The following PAK4 variants were observed in gnomAD, a reference collection of about 807,000 sequenced individuals.
PAK4 encodes the protein p21 (RAC1) activated kinase 4.
A neutral mutation model predicts 53.5 loss-of-function variants in PAK4; 49 were observed. That is an observed-to-expected ratio of 0.92 (90% CI 0.73 to 1.16). PAK4 has a LOEUF of 1.16. Among genes scored for constraint, PAK4 ranks in the 50% most tolerant of loss-of-function variants. The pLI is 0.00. For synonymous variants in PAK4, 376 were observed against 375.6 expected, an observed-to-expected ratio of 1.00 and a Z score of -0.01; for missense variants, 824 against 850.7, an observed-to-expected ratio of 0.97 and a Z score of 0.39.
intron 1 of PAK4, among the ~76,000 whole-genome samples, chr19:39,126,480 C>T (rs1323009983): frequency 7.2e-6 from 1 of 139,542 alleles, no homozygotes; most frequent in Non-Finnish European, 1.5e-5. Context: ...GAGATGCTTC[C>T]TGGTGACAGG....
rs1359201300 is a variant in PAK4 at position 39,144,622 on chromosome 19, A to G, written c.-23+18703A>G. On this transcript the variant is annotated intron_variant, in intron 1 of 8. Transcript: ENST00000358301. ...TTGAGAGTGCCTGGTATGTGGAGAG[A>G]CCTGGCTGTTGTGGCATGAGTCCGA... Among the ~76,000 whole-genome samples, 3 of 152,060 alleles carry G rather than the reference A, an allele frequency of 2.0e-5. No homozygotes were observed. The East Asian group carries it at 5.8e-4, about 29-fold the overall frequency.
intron 1 of PAK4, among the ~76,000 whole-genome samples, chr19:39,138,199 C>T (rs1182675050): frequency 6.6e-6 from 1 of 151,862 alleles, no homozygotes; most frequent in Admixed American, 6.6e-5. Context: ...TGTTGGCCAT[C>T]CTGTTCTCAA....
chr19:39,154,758 C>G (rs2145203059), intron 1 of PAK4, among the ~76,000 whole-genome samples: 1 of 152,294 alleles, frequency 6.6e-6, no homozygotes, highest in South Asian at 2.1e-4. Flanking sequence ...TGCAGAGCTG[C>G]CCCACGTGGC....
rs776539215 is a variant in PAK4 at position 39,173,285 on chromosome 19, C to G, written c.572C>G (p.Ala191Gly). The change falls in exon 3 of 9, where the codon GCT becomes GGT. Residue 191 changes from alanine to glycine, a missense_variant. This residue lies in a region of PAK4 where 478 missense variants were observed against 435.8 expected (regional missense o/e 1.10). Transcript: ENST00000358301. The surrounding 1 kb of genome is among the most constrained non-coding windows in gnomAD (Gnocchi z 6.9). ...CCTGATGTCGGCACCCCCCAGCCTGCTGGTCTGGCCAGTGGGGCGAAACTG... is the reference window on the plus strand; with the variant it reads ...CCTGATGTCGGCACCCCCCAGCCTGGTGGTCTGGCCAGTGGGGCGAAACTG... 6.2e-7 allele frequency: 1 copy of G among 1,604,980 alleles called. No homozygotes were observed. The highest frequency in any genetic ancestry group is 1.7e-5 in the Admixed American group (1 of 59,290).
intron 1 of PAK4, among the ~76,000 whole-genome samples, chr19:39,166,817 C>T (rs1010570987): frequency 4.6e-5 from 7 of 152,172 alleles, no homozygotes; most frequent in African/African-American, 7.2e-5. Flanking sequence ...GGGAAGGGAG[C>T]GCCTGCTGGG....
chr19:39,133,316 T>C (rs908838846), intron 1 of PAK4, among the ~76,000 whole-genome samples: 6 of 152,246 alleles, frequency 3.9e-5, no homozygotes, highest in Non-Finnish European at 8.8e-5. Flanking sequence ...ATAGCCGTAT[T>C]ATTAATATTA....
intron 1 of PAK4, among the ~76,000 whole-genome samples, chr19:39,137,334 T>TA (rs897067029): frequency 2.0e-5 from 3 of 151,990 alleles, no homozygotes; most frequent in Non-Finnish European, 4.4e-5. Flanking sequence ...GGGGAGTCCT[T>TA]ATTCTAGATC....
At chr19:39,158,232 T>TGTGTGTGCGC (rs1491303597) in intron 1 of PAK4, among the ~76,000 whole-genome samples, 1 of 151,796 alleles carries the variant, frequency 6.6e-6, no homozygotes, top group Non-Finnish European at 1.5e-5. Flanking sequence ...TGTGTGTGCA[T>TGTGTGTGCGC]GTGTGTGCGC....
chr19:39,126,813 T>G (rs778297242), intron 1 of PAK4, among the ~76,000 whole-genome samples: 1 of 152,194 alleles, frequency 6.6e-6, no homozygotes, highest in Non-Finnish European at 1.5e-5. Flanking sequence ...ATTTCACTCC[T>G]GCTGCAATCT....
intron 1 of PAK4, among the ~76,000 whole-genome samples, chr19:39,126,785 C>T (rs1261367069): frequency 6.6e-6 from 1 of 152,168 alleles, no homozygotes; most frequent in African/African-American, 2.4e-5. Flanking sequence ...GTGCTCCACG[C>T]CCTGTGTGCC....
intron 1 of PAK4, among the ~76,000 whole-genome samples, chr19:39,146,638 G>A (rs1353019407): frequency 3.3e-5 from 5 of 152,132 alleles, no homozygotes; most frequent in East Asian, 1.9e-4. Flanking sequence ...CTAGGAGTTC[G>A]AGATCAGCCT....
chr19:39,161,523 C>T lies in PAK4; in HGVS notation c.-22-8009C>T, dbSNP rs1245215192. ...CACAAGGTCCTGCCCCCTTGATTTC[C>T]ACTGGGCCATCACAGCCTCCTCCTC... On this transcript the variant is annotated intron_variant, in intron 1 of 8. Transcript: ENST00000358301. This position sits in a 1 kb window ranked among gnomAD's most constrained non-coding sequence, Gnocchi z 4.5. Among the ~76,000 whole-genome samples the T allele has an allele frequency of 6.6e-6, 1 of 151,850 alleles. No homozygotes were observed. Among genetic ancestry groups the T allele is most frequent in the Non-Finnish European group, 1.5e-5 (1 of 67,912 alleles).
chr19:39,127,762 CAG>C (rs1313085663), intron 1 of PAK4, among the ~76,000 whole-genome samples: 1 of 152,186 alleles, frequency 6.6e-6, no homozygotes, highest in African/African-American at 2.4e-5. Context: ...AGGGCATCTT[CAG>C]AGAGCCGGGA....
At chr19:39,133,246 A>G (rs1483168741) in intron 1 of PAK4, among the ~76,000 whole-genome samples, 2 of 152,242 alleles carry the variant, frequency 1.3e-5, no homozygotes, top group African/African-American at 4.8e-5. Context: ...GAGGATCTAA[A>G]TGTATATTCG....
At chr19:39,180,279 C>G (rs1600423021), downstream of PAK4, 1 of 151,540 alleles carries the variant, frequency 6.6e-6, no homozygotes. Flanking sequence ...GTGCTCTCTG[C>G]GATGTATTGG....
In PAK4 at chr19:39,178,313, C is replaced by T. The variant is rs899408856; in HGVS notation, c.1621-111C>T. 1.0e-4 allele frequency: 123 copies of T among 1,201,628 alleles called. No individual in the cohort carries two copies. In the South Asian group the frequency reaches 1.6e-3, roughly 16 times the overall value. 74.4% of individuals were successfully genotyped at this position (1,201,628 alleles called of 1,614,324 possible). On this transcript the variant is annotated intron_variant, in intron 8 of 8. Transcript: ENST00000358301. This position sits in a 1 kb window ranked among gnomAD's most constrained non-coding sequence, Gnocchi z 4.4. ...ACACCCATGACCTCCGCCCCCTGCC[C>T]TCCTGCACAGTACATGCCGCCAGCC...
At chr19:39,135,001 A>C (rs1237447253) in intron 1 of PAK4, 1 of 152,214 alleles carries the variant, frequency 6.6e-6, no homozygotes, top group Non-Finnish European at 1.5e-5. Flanking sequence ...TTCTTCAGGG[A>C]ATATACCCAG....
rs1403145731 is a variant in PAK4, at chr19:39,172,940, G to A, written c.227G>A (p.Gly76Asp). ...CAGACCATCGTGCGGGGCAGCAAAG[G>A]TGCCAAAGATGGGGCCCTCACGCTG... is the stretch of plus-strand genomic sequence containing the variant. Residue 76 changes from glycine (G) to aspartate (D), a missense_variant, in exon 3 of 9, where the codon GGT becomes GAT. This residue lies in a region of PAK4 where 478 missense variants were observed against 435.8 expected (regional missense o/e 1.10). Coordinates refer to ENST00000358301, the Ensembl canonical transcript of PAK4. 5.2e-6 allele frequency: 8 copies of A among 1,541,102 alleles called. No homozygotes were observed. The highest frequency in any genetic ancestry group is 3.9e-5 in the Admixed American group (2 of 50,772).
chr19:39,173,831 G>C lies in PAK4; in HGVS notation c.919G>C (p.Ala307Pro). The stretch of plus-strand genomic sequence containing the variant: ...AGTATCCCATGAGCAGTTCCGGGCT[G>C]CCCTGCAGCTGGTGGTGGACCCAGG... The change falls in exon 4 of 9, where the codon GCC becomes CCC. Residue 307 changes from alanine to proline, a missense_variant. Around this residue, in one of 2 missense-constraint regions of PAK4, gnomAD observed 346 missense variants for 415.0 expected, o/e 0.83. Coordinates refer to ENST00000358301, the Ensembl canonical transcript of PAK4. This position sits in a 1 kb window ranked among gnomAD's most constrained non-coding sequence, Gnocchi z 6.9. The C allele has an allele frequency of 6.2e-7, 1 of 1,612,472 alleles. No individual in the cohort carries two copies. Among genetic ancestry groups the C allele is most frequent in the Non-Finnish European group, 8.5e-7 (1 of 1,179,788 alleles).
Sources: gnomAD v4.1 joint callset for allele counts (sites outside exome capture counted in the v4.1 genomes callset) on GRCh38, gnomAD v4.1.1 for gene constraint, gnomAD v4.1.1 regional missense constraint, Gnocchi (gnomAD v3.1) non-coding constraint, MANE v1.5 for transcripts, NCBI Gene and HGNC (gene_info 2026-07-23, HGNC 2026-07-21) for gene names.